Variants in NSFL1C observed in about 807,000 individuals in gnomAD.
The protein encoded by NSFL1C is NSFL1 cofactor, also known as NSFL1 cofactor p47.
In NSFL1C, 14 loss-of-function variants were observed where a neutral mutation model predicts 43.1. That is an observed-to-expected ratio of 0.32 (90% CI 0.21 to 0.51). The LOEUF (loss-of-function observed/expected upper bound fraction) is 0.51, where lower values mean the gene tolerates loss of function less well. Among genes scored for constraint, NSFL1C ranks in the 20% least tolerant of loss-of-function variants. NSFL1C has a pLI of 0.98. For synonymous variants in NSFL1C, 171 were observed against 183.5 expected (o/e 0.93, Z 0.55); for missense variants, 406 against 472.5 (o/e 0.86, Z 1.30).
At chr20:1,447,106 T>C (rs1394355028) in intron 7 of NSFL1C, among the ~76,000 whole-genome samples, 2 of 152,218 alleles carry the variant, frequency 1.3e-5, no homozygotes, top group African/African-American at 2.4e-5. Context: ...GTGAAAAACA[T>C]GGACTTACAG....
intron 7 of NSFL1C, among the ~76,000 whole-genome samples, chr20:1,451,574 A>T (rs1472751735): frequency 1.3e-5 from 2 of 152,314 alleles, no homozygotes; most frequent in East Asian, 1.9e-4. Context: ...CTACAAAATA[A>T]GGATCATATT....
In NSFL1C at chr20:1,444,416, G is replaced by T. The variant is rs138340455; in HGVS notation, c.951-505C>A. ...AGCTCATGAATTTCACAAGGACAGT[G>T]TGTGTCTCTTTTGTATATCACAGGA... On this transcript the variant is annotated intron_variant, in intron 8 of 8. Coordinates refer to ENST00000216879, the MANE Select transcript of NSFL1C (RefSeq NM_016143.5). Among the ~76,000 whole-genome samples, 354 of 152,302 alleles carry T rather than the reference G, an allele frequency of 2.3e-3. 3 individuals carry two copies. Among genetic ancestry groups the T allele is most frequent in the African/African-American group, 8.0e-3 (332 of 41,562 alleles).
chr20:1,449,200 A>G (rs2090134021), intron 7 of NSFL1C, among the ~76,000 whole-genome samples: 1 of 152,096 alleles, frequency 6.6e-6, no homozygotes. Flanking sequence ...TAAATGAAAT[A>G]CTTAGCATAG....
chr20:1,450,202 A>C lies in NSFL1C; in HGVS notation c.785+2291T>G, dbSNP rs1476138837. ...TCAGGAAAAATTTCAAGAAAAGTTC[A>C]AGACTTTTGGCTTCTGATCATTTTG... On this transcript the variant is annotated intron_variant, in intron 7 of 8. Coordinates refer to ENST00000216879, the MANE Select transcript of NSFL1C (RefSeq NM_016143.5). 3.9e-5 allele frequency among the ~76,000 whole-genome samples: 6 copies of C among 152,218 alleles called. 1 individual carries two copies. The highest frequency in any genetic ancestry group is 8.8e-5 in the Non-Finnish European group (6 of 68,034).
intron 3 of NSFL1C, 81 bp downstream of exon 3, chr20:1,458,119 C>T (rs2090339149): frequency 9.1e-7 from 1 of 1,098,682 alleles, no homozygotes; most frequent in South Asian, 1.2e-5. Context: ...AACATGTTTA[C>T]CAGGTCCTGT....
chr20:1,454,321 TCA>T lies in NSFL1C; in HGVS notation c.445-18_445-17del. 6.3e-7 allele frequency: 1 copy of T among 1,587,904 alleles called. No homozygotes were observed. Among genetic ancestry groups the T allele is most frequent in the Non-Finnish European group, 8.6e-7 (1 of 1,157,994 alleles). On this transcript the variant is annotated splice_polypyrimidine_tract_variant and intron_variant, in intron 4 of 8. Coordinates refer to ENST00000216879, the MANE Select transcript of NSFL1C (RefSeq NM_016143.5). Reference sequence around the variant, plus strand: ...CTGCAAATGGCTATAAGGGACAAGTTCATACACATTTAAGGGGTTGGTCCATG... The same window carrying T: ...CTGCAAATGGCTATAAGGGACAAGTTTACACATTTAAGGGGTTGGTCCATG...
chr20:1,443,464 C>T lies in NSFL1C; in HGVS notation c.*285G>A. 3.5e-6 allele frequency: 1 copy of T among 282,534 alleles called. No homozygotes were observed. The highest frequency in any genetic ancestry group is 6.7e-6 in the Non-Finnish European group (1 of 149,876). The allele number at this position is 282,534 out of a possible 1,614,324, so 17.5% of individuals were successfully genotyped here. ...ATAATTTTAAAGCAATTAAAGCCTG[C>T]TTCAGTGGGAGAGTTTCCGTACAAC... On this transcript the variant is annotated 3_prime_UTR_variant, in exon 9 of 9. Transcript: ENST00000216879.
rs2090522111 is a variant in NSFL1C at position 1,466,736 on chromosome 20, G to C, written c.89C>G (p.Ala30Gly). Residue 30 changes from alanine to glycine, a missense_variant, in exon 1 of 9, where the codon GCC becomes GGC. Transcript: ENST00000216879. ...CGGCGCTACCTGCAAGTCCCAGCCG[G>C]CCGACTCGAGAAAGAAGCGGGCCCG... is the stretch of plus-strand genomic sequence containing the variant. ...EDRARFFLES[A>G]GWDLQIALAS... 1.3e-6 allele frequency: 2 copies of C among 1,558,062 alleles called. No individual in the cohort carries two copies. The highest frequency in any genetic ancestry group is 1.7e-6 in the Non-Finnish European group (2 of 1,155,028).
intron 3 of NSFL1C, chr20:1,457,218 G>C (rs2090320768): frequency 6.6e-6 from 1 of 152,116 alleles, no homozygotes; most frequent in African/African-American, 2.4e-5. Context: ...GAAAAAGCTG[G>C]AAAGAAATAT....
At position 1,453,152 on chromosome 20, in the gene NSFL1C, G is replaced by GGGAGTAAACA. The variant is rs771457615; in HGVS notation, c.538-22_538-13dup. ...AATACTACATGAACCTGTGATGACA[G>GGGAGTAAACA]GGAGTAAACAGTTACCAGGGATCTG... is the stretch of plus-strand genomic sequence containing the variant. On this transcript the variant is annotated splice_polypyrimidine_tract_variant and intron_variant, in intron 5 of 8. Transcript: ENST00000216879. The GGGAGTAAACA allele has an allele frequency of 5.5e-6, 8 of 1,453,844 alleles. No individual in the cohort carries two copies. The Admixed American group carries it at 1.3e-4, about 24-fold the overall frequency. 90.1% of individuals were successfully genotyped at this position (1,453,844 alleles called of 1,614,324 possible). A position where few individuals can be genotyped will look rare whatever the true frequency, so the allele number is the denominator to read the frequency against.
At chr20:1,456,484 A>G (rs1239566374) in intron 3 of NSFL1C, 1 of 152,254 alleles carries the variant, frequency 6.6e-6, no homozygotes, top group Non-Finnish European at 1.5e-5. Flanking sequence ...CCACTTCCCC[A>G]AAGACTGACC....
intron 4 of NSFL1C, 47 bp from the exon 5 acceptor site, chr20:1,454,352 C>A (rs1195445981): frequency 7.8e-7 from 1 of 1,282,676 alleles, no homozygotes; most frequent in Non-Finnish European, 1.1e-6. Context: ...GTCCATGGTA[C>A]AAGGGTTACT....
chr20:1,459,241 T>C (rs2090363651), intron 2 of NSFL1C, among the ~76,000 whole-genome samples: 1 of 152,312 alleles, frequency 6.6e-6, no homozygotes, highest in African/African-American at 2.4e-5. Context: ...GCAGGTGGAT[T>C]TCCCTCATGC....
At chr20:1,451,219 G>A (rs1326926795) in intron 7 of NSFL1C, among the ~76,000 whole-genome samples, 1 of 152,210 alleles carries the variant, frequency 6.6e-6, no homozygotes, top group East Asian at 1.9e-4. Context: ...GAACAGGGAT[G>A]ACTTAACTAC....
chr20:1,453,551 C>G (rs1193981610), intron 5 of NSFL1C, among the ~76,000 whole-genome samples: 1 of 152,222 alleles, frequency 6.6e-6, no homozygotes, highest in African/African-American at 2.4e-5. Flanking sequence ...CTGTTCACAA[C>G]AACTCCCACA....
intron 3 of NSFL1C, chr20:1,457,858 G>A (rs984789600): frequency 1.9e-5 from 4 of 211,396 alleles, no homozygotes; most frequent in African/African-American, 4.6e-5. Flanking sequence ...CCATAACTTC[G>A]CTACTGTGAA....
At chr20:1,444,913 T>C (rs2090026832) in intron 8 of NSFL1C, among the ~76,000 whole-genome samples, 2 of 152,138 alleles carry the variant, frequency 1.3e-5, no homozygotes, top group South Asian at 4.1e-4. Flanking sequence ...GGGGCTTGTC[T>C]CCCGCTGTCA....
chr20:1,457,940 A>C (rs2090335577), intron 3 of NSFL1C: 1 of 374,232 alleles, frequency 2.7e-6, no homozygotes. Context: ...AGTCAATACC[A>C]AAAAGTGGGA....
chr20:1,450,441 T>G (rs2090160040), intron 7 of NSFL1C, among the ~76,000 whole-genome samples: 1 of 152,214 alleles, frequency 6.6e-6, no homozygotes, highest in South Asian at 2.1e-4. Context: ...CATGGTGATA[T>G]CAAGTTCTAT....
Sources: gnomAD v4.1 joint callset for allele counts (sites outside exome capture counted in the v4.1 genomes callset) on GRCh38, gnomAD v4.1.1 for gene constraint, MANE v1.5 for transcripts, NCBI Gene and HGNC (gene_info 2026-07-23, HGNC 2026-07-21) for gene names.